The following INPP4A variants were observed in gnomAD, a reference collection of about 807,000 sequenced individuals.
INPP4A encodes the protein inositol polyphosphate-4-phosphatase type I A, also known as inositol polyphosphate-4-phosphatase, type I, 107kD.
INPP4A carries 33 observed loss-of-function variants against 119.8 expected under a neutral mutation model. The ratio of observed to expected loss-of-function variants is 0.28; its 90% CI spans 0.21 to 0.37. The LOEUF is 0.37. INPP4A is among the 10% of genes least tolerant of loss of function. The probability of loss-of-function intolerance (pLI) is 1.00; values close to 1 mark genes in which losing one functional copy is unlikely to be tolerated. For missense variants in INPP4A, 956 were observed against 1,289.9 expected, an observed-to-expected ratio of 0.74 and a Z score of 3.97; for synonymous variants, 496 against 500.7, an observed-to-expected ratio of 0.99 and a Z score of 0.12.
At chr2:98,579,805 C>A (rs1369120341) in intron 24 of INPP4A, among the ~76,000 whole-genome samples, 5 of 152,226 alleles carry the variant, frequency 3.3e-5, no homozygotes, top group Admixed American at 3.3e-4. Flanking sequence ...TTGCTTATTT[C>A]TTTGTTTTCT....
At chr2:98,458,756 T>G (rs1439695338) in intron 1 of INPP4A, among the ~76,000 whole-genome samples, 1 of 152,206 alleles carries the variant, frequency 6.6e-6, no homozygotes, top group South Asian at 2.1e-4. Context: ...CCCCTAAGTA[T>G]GCAGCATGTA....
intron 18 of INPP4A, among the ~76,000 whole-genome samples, chr2:98,564,362 T>C (rs1447738487): frequency 1.3e-5 from 2 of 152,210 alleles, no homozygotes; most frequent in African/African-American, 2.4e-5. Flanking sequence ...CTTCCAGAAG[T>C]TCCAGCCTAG....
At chr2:98,555,385 G>A (rs970310873) in intron 15 of INPP4A, among the ~76,000 whole-genome samples, 168 bp from the exon 16 acceptor site, 7 of 152,222 alleles carry the variant, frequency 4.6e-5, no homozygotes, top group Non-Finnish European at 2.9e-5. Context: ...AAAAGCAAAT[G>A]CAACTTTAGT....
chr2:98,467,744 A>G (rs747612729), intron 1 of INPP4A, among the ~76,000 whole-genome samples: 6 of 152,224 alleles, frequency 3.9e-5, no homozygotes, highest in Non-Finnish European at 8.8e-5. Flanking sequence ...TTGCACCATA[A>G]TAACGTTTTT....
chr2:98,483,247 C>T (rs1678837203), intron 1 of INPP4A, among the ~76,000 whole-genome samples: 2 of 152,186 alleles, frequency 1.3e-5, no homozygotes, highest in South Asian at 4.1e-4. Context: ...GTTACCATTA[C>T]CCCAAATTTG....
chr2:98,582,046 G>A lies in INPP4A; in HGVS notation c.2786+4903G>A, dbSNP rs3769699. ...GCTGGCCTGGAATTCCTTGTACCACGTCTCTACCTTCTGATGTACAACTAT... is the reference window on the plus strand; with the variant it reads ...GCTGGCCTGGAATTCCTTGTACCACATCTCTACCTTCTGATGTACAACTAT... On this transcript the variant is annotated intron_variant, in intron 24 of 24. Transcript: ENST00000409851. Among the ~76,000 whole-genome samples, 285 of 152,282 alleles carry A rather than the reference G, an allele frequency of 1.9e-3. 12 individuals are homozygous for A. The East Asian group carries it at 0.048, about 26-fold the overall frequency.
At chr2:98,543,423 C>G (rs530863021) in intron 10 of INPP4A, among the ~76,000 whole-genome samples, 1 of 152,108 alleles carries the variant, frequency 6.6e-6, no homozygotes, top group African/African-American at 2.4e-5. Flanking sequence ...GGGGAGATGA[C>G]GAGGCAAGCA....
intron 24 of INPP4A, among the ~76,000 whole-genome samples, chr2:98,577,737 G>T (rs555291899): frequency 6.6e-6 from 1 of 152,190 alleles, no homozygotes; most frequent in African/African-American, 2.4e-5. Context: ...GGCAGCAGGC[G>T]TGTTTGCAGA....
chr2:98,448,728 T>TTA (rs1553457224), intron 1 of INPP4A, among the ~76,000 whole-genome samples: 7 of 142,048 alleles, frequency 4.9e-5, no homozygotes, highest in African/African-American at 1.1e-4. Context: ...TTTTTTTTTT[T>TTA]AAAGAGACAA....
intron 8 of INPP4A, 67 bp downstream of exon 8, chr2:98,538,041 C>T: frequency 2.8e-6 from 3 of 1,086,194 alleles, no homozygotes; most frequent in Non-Finnish European, 4.1e-6. Context: ...AAAATGCAGC[C>T]CTCGTGGACT....
chr2:98,583,906 A>G (rs1699659579), intron 24 of INPP4A, among the ~76,000 whole-genome samples: 1 of 152,238 alleles, frequency 6.6e-6, no homozygotes, highest in Admixed American at 6.5e-5. Flanking sequence ...CCTAAAATGT[A>G]AGACCATCAT....
intron 1 of INPP4A, among the ~76,000 whole-genome samples, chr2:98,501,808 A>G (rs1683171882): frequency 6.6e-6 from 1 of 152,214 alleles, no homozygotes; most frequent in African/African-American, 2.4e-5. Flanking sequence ...TCAAGAGCCC[A>G]GGGGCTCCAA....
At chr2:98,538,818 A>G in intron 8 of INPP4A, 73 bp from the exon 9 acceptor site, 4 of 841,416 alleles carry the variant, frequency 4.8e-6, no homozygotes, top group East Asian at 2.6e-5. Context: ...TATTTAGGCC[A>G]CTGTTTCTGC....
rs551296604 is a variant in INPP4A at position 98,460,275 on chromosome 2, G to A, written c.-166+15190G>A. On this transcript the variant is annotated intron_variant, in intron 1 of 24. Coordinates refer to ENST00000409851, the MANE Select transcript of INPP4A (RefSeq NM_001134225.2). Reference sequence around the variant, plus strand: ...TGGCCTCTTCCTCTTGTGGGTTTTGGGGAGCATCACAGGGCCTCAGGGAAG... The same window carrying A: ...TGGCCTCTTCCTCTTGTGGGTTTTGAGGAGCATCACAGGGCCTCAGGGAAG... 3.9e-5 allele frequency among the ~76,000 whole-genome samples: 6 copies of A among 152,256 alleles called. No homozygotes were observed. In the South Asian group the frequency reaches 1.2e-3, roughly 32 times the overall value.
At chr2:98,500,575 C>T (rs1212630341) in intron 1 of INPP4A, among the ~76,000 whole-genome samples, 1 of 152,100 alleles carries the variant, frequency 6.6e-6, no homozygotes, top group East Asian at 1.9e-4. Context: ...GCTCAACTCC[C>T]AATACAGCAC....
At chr2:98,526,949 C>T (rs986052554) in intron 4 of INPP4A, among the ~76,000 whole-genome samples, 1 of 152,182 alleles carries the variant, frequency 6.6e-6, no homozygotes, top group Admixed American at 6.5e-5. Flanking sequence ...GGGGATGGCA[C>T]TAAGTCATTC....
chr2:98,573,637 A>G (rs1697886390), intron 23 of INPP4A, among the ~76,000 whole-genome samples: 1 of 152,160 alleles, frequency 6.6e-6, no homozygotes, highest in Admixed American at 6.5e-5. Context: ...CTCGAGCAGC[A>G]GAGGGTCCAG....
At chr2:98,483,122 A>G (rs1482073149) in intron 1 of INPP4A, among the ~76,000 whole-genome samples, 1 of 152,240 alleles carries the variant, frequency 6.6e-6, no homozygotes, top group Non-Finnish European at 1.5e-5. Flanking sequence ...TTTATTAGGC[A>G]GTCCTTTATG....
intron 16 of INPP4A, chr2:98,556,017 G>A (rs1459702513): frequency 3.6e-6 from 2 of 549,908 alleles, no homozygotes; most frequent in African/African-American, 3.8e-5. Flanking sequence ...GCCCATGTGT[G>A]ATTCTGCATC....
Sources: allele counts gnomAD v4.1 joint callset (sites outside exome capture counted in the v4.1 genomes callset), GRCh38; gene constraint gnomAD v4.1.1; transcripts MANE v1.5; gene names NCBI Gene and HGNC (gene_info 2026-07-23, HGNC 2026-07-21).